SLC25A21: variants seen among roughly 807,000 people sequenced by gnomAD.
The protein encoded by SLC25A21 is solute carrier family 25 member 21.
SLC25A21 carries 47 observed loss-of-function variants against 43.8 expected under a neutral mutation model. That is an observed-to-expected ratio of 1.07 (90% CI 0.85 to 1.37). The LOEUF (loss-of-function observed/expected upper bound fraction) is 1.37, where lower values mean the gene tolerates loss of function less well. Ranked by LOEUF, SLC25A21 falls within the 40% of genes most tolerant of loss-of-function variation. SLC25A21 has a pLI of 0.00. For missense variants in SLC25A21, 352 were observed against 350.2 expected (o/e 1.00, Z -0.04); for synonymous variants, 131 against 121.3 (o/e 1.08, Z -0.52).
intron 1 of SLC25A21, among the ~76,000 whole-genome samples, chr14:36,923,341 T>A (rs1414760051): frequency 2.0e-5 from 3 of 152,110 alleles, no homozygotes; most frequent in Admixed American, 1.3e-4. Context: ...CAGAAAAATA[T>A]ATTTTAAAAA....
chr14:36,910,040 G>A (rs376706087), intron 1 of SLC25A21, among the ~76,000 whole-genome samples: 3 of 152,098 alleles, frequency 2.0e-5, no homozygotes, highest in African/African-American at 7.2e-5. Context: ...GGATATAAGC[G>A]CTACTCTCAA....
chr14:36,893,683 C>T (rs992098251), intron 1 of SLC25A21, among the ~76,000 whole-genome samples: 2 of 152,138 alleles, frequency 1.3e-5, no homozygotes, highest in African/African-American at 4.8e-5. Context: ...TTAGGTCTAA[C>T]ATTTAAGTCT....
chr14:37,126,633 AC>A (rs1293846245), intron 1 of SLC25A21, among the ~76,000 whole-genome samples: 2 of 152,122 alleles, frequency 1.3e-5, no homozygotes, highest in African/African-American at 4.8e-5. Context: ...ATAGGAGGCT[AC>A]TGGCACATTG....
chr14:36,967,416 C>T (rs1051511440), intron 1 of SLC25A21, among the ~76,000 whole-genome samples: 7 of 152,262 alleles, frequency 4.6e-5, no homozygotes, highest in Admixed American at 4.6e-4. Context: ...ACTTAGTAAC[C>T]AGTGCTTGAT....
At chr14:37,010,397 A>G (rs1196826909) in intron 1 of SLC25A21, among the ~76,000 whole-genome samples, 1 of 152,206 alleles carries the variant, frequency 6.6e-6, no homozygotes, top group Non-Finnish European at 1.5e-5. Context: ...TCACTCATAC[A>G]TTTATTGAGG....
intron 1 of SLC25A21, among the ~76,000 whole-genome samples, chr14:36,889,367 A>C (rs1891015622): frequency 6.6e-6 from 1 of 152,236 alleles, no homozygotes; most frequent in African/African-American, 2.4e-5. Flanking sequence ...CAATATTTGG[A>C]TACCAAAGTA....
chr14:36,822,527 A>AT, intron 2 of SLC25A21, among the ~76,000 whole-genome samples: 1 of 152,336 alleles, frequency 6.6e-6, no homozygotes, highest in African/African-American at 2.4e-5. Flanking sequence ...AAGGAGACCA[A>AT]TAAGTGTCTC....
chr14:36,722,062 T>A (rs1884394251), intron 6 of SLC25A21, among the ~76,000 whole-genome samples: 1 of 152,184 alleles, frequency 6.6e-6, no homozygotes, highest in African/African-American at 2.4e-5. Context: ...ATATGAAAGT[T>A]ACTACCCACA....
intron 3 of SLC25A21, among the ~76,000 whole-genome samples, chr14:36,783,128 T>C (rs1395086423): frequency 6.6e-6 from 1 of 151,380 alleles, no homozygotes; most frequent in African/African-American, 2.4e-5. Context: ...CGATGTGCCT[T>C]ATTTCAATCC....
intron 1 of SLC25A21, among the ~76,000 whole-genome samples, chr14:37,023,031 C>T (rs367715976): frequency 3.3e-5 from 5 of 151,934 alleles, no homozygotes; most frequent in African/African-American, 9.7e-5. Flanking sequence ...TTCTGCAGGC[C>T]GTCAACACAA....
chr14:37,036,106 T>C (rs993955974), intron 1 of SLC25A21, among the ~76,000 whole-genome samples: 6 of 152,176 alleles, frequency 3.9e-5, no homozygotes, highest in African/African-American at 1.4e-4. Context: ...CACCAGTATT[T>C]TTCTACCCAG....
chr14:36,962,387 T>C (rs1959514158), intron 1 of SLC25A21, among the ~76,000 whole-genome samples: 2 of 152,174 alleles, frequency 1.3e-5, no homozygotes, highest in South Asian at 4.1e-4. Flanking sequence ...ATGAACTTTA[T>C]TCCTCATGTT....
chr14:36,903,462 A>C (rs1234655448), intron 1 of SLC25A21, among the ~76,000 whole-genome samples: 1 of 151,660 alleles, frequency 6.6e-6, no homozygotes, highest in Non-Finnish European at 1.5e-5. Flanking sequence ...AAATACAAAA[A>C]ATTAGCCAGG....
chr14:36,976,940 C>T (rs1311006066), intron 1 of SLC25A21, among the ~76,000 whole-genome samples: 2 of 152,228 alleles, frequency 1.3e-5, no homozygotes, highest in African/African-American at 4.8e-5. Flanking sequence ...AGTTCATCCA[C>T]TCAACTAATT....
At chr14:36,891,230 C>G (rs1891063820) in intron 1 of SLC25A21, among the ~76,000 whole-genome samples, 1 of 152,078 alleles carries the variant, frequency 6.6e-6, no homozygotes, top group African/African-American at 2.4e-5. Context: ...GAAAATCTCC[C>G]TTGGAATTCT....
chr14:36,896,730 C>A (rs1354624222), intron 1 of SLC25A21, among the ~76,000 whole-genome samples: 2 of 152,226 alleles, frequency 1.3e-5, no homozygotes, highest in East Asian at 1.9e-4. Flanking sequence ...TTAGGGCAGG[C>A]CTGGTGGTGA....
intron 1 of SLC25A21, among the ~76,000 whole-genome samples, chr14:37,005,940 C>T (rs1038544010): frequency 1.1e-4 from 17 of 151,936 alleles, no homozygotes; most frequent in Non-Finnish European, 2.2e-4. Context: ...TAAAAAATAA[C>T]TTTTTTTTCA....
rs942787385 is a variant in SLC25A21, at chr14:36,837,379, A to G, written c.120-23378T>C. 2.0e-5 allele frequency among the ~76,000 whole-genome samples: 3 copies of G among 152,068 alleles called. No individual in the cohort carries two copies. In the South Asian group the frequency reaches 6.2e-4, roughly 32 times the overall value. On this transcript the variant is annotated intron_variant, in intron 2 of 9. Transcript: ENST00000331299. ...CCGAACAGTGCAGAGGAAGTGCGGC[A>G]CACACACGAGAGGGGACCAGGGCAA... is the stretch of plus-strand genomic sequence containing the variant.
intron 1 of SLC25A21, among the ~76,000 whole-genome samples, chr14:36,998,457 T>C (rs1278335801): frequency 6.6e-6 from 1 of 152,148 alleles, no homozygotes; most frequent in East Asian, 1.9e-4. Flanking sequence ...GAATCTGGAA[T>C]AAATAATCCA....
Sources: gnomAD v4.1 joint callset for allele counts (sites outside exome capture counted in the v4.1 genomes callset) on GRCh38, gnomAD v4.1.1 for gene constraint, MANE v1.5 for transcripts, NCBI Gene and HGNC (gene_info 2026-07-23, HGNC 2026-07-21) for gene names.